GPC5: variants seen among roughly 807,000 people sequenced by gnomAD.
The protein encoded by GPC5 is glypican-5.
GPC5 carries 47 observed loss-of-function variants against 53.9 expected under a neutral mutation model. That is an observed-to-expected ratio of 0.87 (90% CI 0.69 to 1.11). GPC5 has a LOEUF of 1.11. Among genes scored for constraint, GPC5 ranks in the 50% most tolerant of loss-of-function variants. The pLI is 0.00. For synonymous variants in GPC5, 286 were observed against 263.3 expected, an observed-to-expected ratio of 1.09 and a Z score of -0.84; for missense variants, 748 against 713.1, an observed-to-expected ratio of 1.05 and a Z score of -0.56.
chr13:91,893,380 A>C (rs1320244273), intron 5 of GPC5, among the ~76,000 whole-genome samples: 1 of 152,066 alleles, frequency 6.6e-6, no homozygotes, highest in East Asian at 1.9e-4. Context: ...ACTAAAAGGC[A>C]TTTAGGTTTA....
intron 7 of GPC5, among the ~76,000 whole-genome samples, chr13:92,192,959 A>G (rs1018544536): frequency 7.2e-5 from 11 of 152,056 alleles, no homozygotes; most frequent in African/African-American, 2.2e-4. Flanking sequence ...GGCGGATCAC[A>G]AGGTCAGGAG....
Position 92,476,609 on chromosome 13 carries a change from G to C in GPC5, c.1561+331620G>C, listed in dbSNP as rs576702982. Among the ~76,000 whole-genome samples the C allele has an allele frequency of 1.6e-4, 24 of 149,522 alleles. 1 individual carries two copies. In the South Asian group the frequency reaches 4.8e-3, roughly 30 times the overall value. ...CACATGCACACGTATGTTTACTGCGGCATTATTCACAATAGCAAAGACTTG... is the reference window on the plus strand; with the variant it reads ...CACATGCACACGTATGTTTACTGCGCCATTATTCACAATAGCAAAGACTTG... On this transcript the variant is annotated intron_variant, in intron 7 of 7. Coordinates refer to ENST00000377067, the MANE Select transcript of GPC5 (RefSeq NM_004466.6).
chr13:92,316,846 C>G (rs932972679), intron 7 of GPC5, among the ~76,000 whole-genome samples: 1 of 152,012 alleles, frequency 6.6e-6, no homozygotes, highest in Non-Finnish European at 1.5e-5. Flanking sequence ...TTGCAAGTTA[C>G]TTCTAATTAC....
chr13:91,527,899 A>T (rs1279372236), intron 2 of GPC5, among the ~76,000 whole-genome samples: 2 of 152,080 alleles, frequency 1.3e-5, no homozygotes, highest in South Asian at 2.1e-4. Context: ...TAACAGCTGG[A>T]GCTGGAGGGG....
At chr13:92,192,929 C>A (rs2042232804) in intron 7 of GPC5, among the ~76,000 whole-genome samples, 1 of 152,132 alleles carries the variant, frequency 6.6e-6, no homozygotes, top group South Asian at 2.1e-4. Flanking sequence ...ATAATTCCAG[C>A]ACTTTGGGAG....
chr13:92,124,197 G>A (rs1395432302), intron 6 of GPC5, among the ~76,000 whole-genome samples: 2 of 128,808 alleles, frequency 1.6e-5, no homozygotes, highest in African/African-American at 3.1e-5. Flanking sequence ...AGCAATCCCT[G>A]CAATAATCTG....
chr13:92,114,580 T>C (rs944014262), intron 6 of GPC5, among the ~76,000 whole-genome samples: 1 of 152,170 alleles, frequency 6.6e-6, no homozygotes, highest in Non-Finnish European at 1.5e-5. Context: ...CTGTGAGTAA[T>C]CCATTGTGAT....
intron 6 of GPC5, among the ~76,000 whole-genome samples, chr13:92,130,314 A>G (rs2041732613): frequency 6.6e-6 from 1 of 151,898 alleles, no homozygotes; most frequent in African/African-American, 2.4e-5. Flanking sequence ...GAAGCATGCA[A>G]TTAGAGGAAG....
chr13:92,392,673 C>T (rs1340941265), intron 7 of GPC5, among the ~76,000 whole-genome samples: 1 of 152,022 alleles, frequency 6.6e-6, no homozygotes. Flanking sequence ...GGTCTGATAG[C>T]CAATATTTGT....
chr13:91,512,330 T>C (rs1302463444), intron 2 of GPC5, among the ~76,000 whole-genome samples: 2 of 152,214 alleles, frequency 1.3e-5, no homozygotes, highest in African/African-American at 4.8e-5. Flanking sequence ...GAGATCTCTT[T>C]CTGTCCTATT....
At chr13:92,077,276 A>G (rs2041259411) in intron 6 of GPC5, among the ~76,000 whole-genome samples, 1 of 152,196 alleles carries the variant, frequency 6.6e-6, no homozygotes, top group African/African-American at 2.4e-5. Flanking sequence ...GCTCAGAATA[A>G]GTCTCTTAAA....
intron 6 of GPC5, among the ~76,000 whole-genome samples, chr13:91,998,241 G>A (rs1208488228): frequency 6.6e-6 from 1 of 152,046 alleles, no homozygotes; most frequent in African/African-American, 2.4e-5. Flanking sequence ...TTCTCTGTCT[G>A]TACCAATACT....
chr13:91,631,878 G>A lies in GPC5; in HGVS notation c.326-61309G>A, dbSNP rs568667252. On this transcript the variant is annotated intron_variant, in intron 2 of 7. Transcript: ENST00000377067. Reference sequence around the variant, plus strand: ...ATTATGAAGAACTTGACAACTTAGAGAACCACCTGGAGAGATAGGAAAGGG... The same window carrying A: ...ATTATGAAGAACTTGACAACTTAGAAAACCACCTGGAGAGATAGGAAAGGG... 6.0e-4 allele frequency among the ~76,000 whole-genome samples: 92 copies of A among 152,266 alleles called. No homozygotes were observed. In the South Asian group the frequency reaches 0.017, roughly 27 times the overall value.
rs1876946713 is a variant in GPC5 at position 92,802,536 on chromosome 13, T to C, written c.1562-63746T>C. Reference sequence around the variant, plus strand: ...CTGCACTACTCACAACAGCAAAGACTTGGAACCAACCCAAATGTCCAACAA... The same window carrying C: ...CTGCACTACTCACAACAGCAAAGACCTGGAACCAACCCAAATGTCCAACAA... On this transcript the variant is annotated intron_variant, in intron 7 of 7. Coordinates refer to ENST00000377067, the MANE Select transcript of GPC5 (RefSeq NM_004466.6). 2.0e-5 allele frequency among the ~76,000 whole-genome samples: 3 copies of C among 151,888 alleles called. No individual in the cohort carries two copies. The South Asian group carries it at 6.2e-4, about 31-fold the overall frequency.
chr13:92,158,456 C>A (rs573288385), intron 7 of GPC5, among the ~76,000 whole-genome samples: 1 of 151,912 alleles, frequency 6.6e-6, no homozygotes, highest in Admixed American at 6.6e-5. Context: ...TCATTCAATA[C>A]GTCTAAAAAT....
chr13:91,652,630 T>A (rs74104932), intron 2 of GPC5, among the ~76,000 whole-genome samples: 3,872 of 152,148 alleles, frequency 0.025, 167 homozygotes, highest in African/African-American at 0.089. Flanking sequence ...TGCTGGGAGA[T>A]TTCATCACAC....
At chr13:91,759,029 A>G (rs991371359) in intron 5 of GPC5, among the ~76,000 whole-genome samples, 3 of 152,068 alleles carry the variant, frequency 2.0e-5, no homozygotes, top group African/African-American at 7.2e-5. Context: ...AGCATGTTTC[A>G]GCCCTGATTA....
chr13:92,121,286 TG>T (rs1457666816), intron 6 of GPC5, among the ~76,000 whole-genome samples: 1 of 152,088 alleles, frequency 6.6e-6, no homozygotes, highest in African/African-American at 2.4e-5. Flanking sequence ...GTCACATTTG[TG>T]GGGGTTGGGT....
intron 6 of GPC5, among the ~76,000 whole-genome samples, chr13:92,063,769 C>T (rs2041142989): frequency 6.6e-6 from 1 of 151,860 alleles, no homozygotes; most frequent in South Asian, 2.1e-4. Context: ...GTTTCGGGTA[C>T]CATAAATGTT....
Sources: allele counts gnomAD v4.1 joint callset (sites outside exome capture counted in the v4.1 genomes callset), GRCh38; gene constraint gnomAD v4.1.1; transcripts MANE v1.5; gene names NCBI Gene and HGNC (gene_info 2026-07-23, HGNC 2026-07-21).